Variants in C4orf51 observed in about 807,000 individuals in gnomAD.
C4orf51 encodes the protein chromosome 4 open reading frame 51.
Under a neutral mutation model 25.2 loss-of-function variants are expected in C4orf51, and 25 were observed. The observed-to-expected ratio is 0.99, with a 90% CI of 0.72 to 1.39. The LOEUF is 1.39. C4orf51 is among the 40% of genes most tolerant of loss of function. C4orf51 has a pLI of 0.00. For missense variants in C4orf51, 252 were observed against 239.6 expected (o/e 1.05, Z -0.34); for synonymous variants, 100 against 84.5 (o/e 1.18, Z -1.01).
intron 1 of C4orf51, among the ~76,000 whole-genome samples, chr4:145,688,463 A>G (rs928709680): frequency 6.6e-6 from 1 of 152,178 alleles, no homozygotes; most frequent in African/African-American, 2.4e-5. Context: ...AGGTGATTGG[A>G]TCATGGGGGC....
At chr4:145,721,360 A>AAAG (rs1388195958) in intron 2 of C4orf51, among the ~76,000 whole-genome samples, 1 of 151,642 alleles carries the variant, frequency 6.6e-6, no homozygotes, top group Non-Finnish European at 1.5e-5. Flanking sequence ...AAAAAAAAAA[A>AAAG]AAGATCACAC....
intron 1 of C4orf51, among the ~76,000 whole-genome samples, chr4:145,766,635 G>A (rs1243131862): frequency 1.3e-5 from 2 of 152,156 alleles, no homozygotes; most frequent in Non-Finnish European, 2.9e-5. Context: ...CAACCCCAGA[G>A]ACACAGAGAG....
intron 1 of C4orf51, among the ~76,000 whole-genome samples, chr4:145,749,067 A>G (rs914210146): frequency 6.5e-5 from 9 of 137,718 alleles, no homozygotes; most frequent in Non-Finnish European, 1.2e-4. Flanking sequence ...GTGTGTGTGT[A>G]TATATATATA....
At chr4:145,776,036 A>G in the C4orf51 span, 3 of 1,542,428 alleles carry the variant, frequency 1.9e-6, no homozygotes, top group Non-Finnish European at 2.7e-6. Context: ...AGAATCAGTT[A>G]AAGGTATCAA....
intron 1 of C4orf51, among the ~76,000 whole-genome samples, chr4:145,737,952 A>G (rs1732890647): frequency 6.6e-6 from 1 of 152,228 alleles, no homozygotes; most frequent in Non-Finnish European, 1.5e-5. Context: ...CAGACAGGTT[A>G]AATTCATCTG....
chr4:145,709,210 G>T (rs1181639740), intron 2 of C4orf51, among the ~76,000 whole-genome samples: 1 of 152,110 alleles, frequency 6.6e-6, no homozygotes, highest in Non-Finnish European at 1.5e-5. Context: ...TTCCCGAGGG[G>T]TTCTAACTCA....
the C4orf51 span, among the ~76,000 whole-genome samples, chr4:145,782,330 C>A: frequency 6.6e-6 from 1 of 152,164 alleles, no homozygotes; most frequent in Non-Finnish European, 1.5e-5. Flanking sequence ...AGACCTGAAG[C>A]AAAGGCCCGT....
chr4:145,738,450 G>GA (rs960309875), intron 1 of C4orf51, among the ~76,000 whole-genome samples: 2 of 89,350 alleles, frequency 2.2e-5, no homozygotes, highest in South Asian at 6.2e-4. Flanking sequence ...ACTCTATCTC[G>GA]AAAAAAAACA....
At chr4:145,739,643 G>A (rs1004776283) in intron 1 of C4orf51, among the ~76,000 whole-genome samples, 1 of 152,158 alleles carries the variant, frequency 6.6e-6, no homozygotes. Context: ...AAAAGTATAA[G>A]GACAATAGAA....
intron 2 of C4orf51, among the ~76,000 whole-genome samples, chr4:145,725,767 T>A (rs1210327509): frequency 6.6e-6 from 1 of 152,056 alleles, no homozygotes; most frequent in Admixed American, 6.6e-5. Context: ...GGTTTTCTAG[T>A]GCTGGTGGTA....
chr4:145,696,697 G>A, intron 2 of C4orf51, 65 bp downstream of exon 2: 1 of 1,283,318 alleles, frequency 7.8e-7, no homozygotes. Flanking sequence ...TTTCTTTCAG[G>A]TTCTTTTTTT....
the C4orf51 span, chr4:145,779,401 A>G: frequency 1.4e-4 from 232 of 1,614,090 alleles, no homozygotes; most frequent in Non-Finnish European, 6.2e-5. Flanking sequence ...TGTCGGGACA[A>G]TGTCTGCTGT....
At chr4:145,708,553 C>T (rs1299095538) in intron 2 of C4orf51, among the ~76,000 whole-genome samples, 1 of 152,156 alleles carries the variant, frequency 6.6e-6, no homozygotes, top group Non-Finnish European at 1.5e-5. Flanking sequence ...ACTGGTCTTC[C>T]CATGTACCCT....
At chr4:145,705,456 C>T (rs1372956076) in intron 2 of C4orf51, among the ~76,000 whole-genome samples, 5 of 152,184 alleles carry the variant, frequency 3.3e-5, no homozygotes, top group African/African-American at 4.8e-5. Flanking sequence ...TAGCTACCTA[C>T]TGTAACATTT....
chr4:145,726,293 A>G (rs1248871246), intron 2 of C4orf51, among the ~76,000 whole-genome samples: 3 of 152,358 alleles, frequency 2.0e-5, no homozygotes, highest in Admixed American at 1.3e-4. Flanking sequence ...ATCACCTCAA[A>G]CATTTATGAT....
At chr4:145,708,847 A>C (rs532050941) in intron 2 of C4orf51, among the ~76,000 whole-genome samples, 1 of 152,318 alleles carries the variant, frequency 6.6e-6, no homozygotes, top group Admixed American at 6.5e-5. Flanking sequence ...TAGCAACAAA[A>C]TCATTATCTT....
downstream of C4orf51, chr4:145,774,445 A>C (rs1215101909): frequency 1.9e-6 from 3 of 1,549,864 alleles, no homozygotes; most frequent in African/African-American, 4.1e-5. Flanking sequence ...GCCAGGTGGC[A>C]GGTGCTCTGG....
chr4:145,735,582 T>G (rs566142244), downstream of C4orf51, among the ~76,000 whole-genome samples: 4 of 152,304 alleles, frequency 2.6e-5, no homozygotes, highest in African/African-American at 7.2e-5. Flanking sequence ...TCTTCTGGTT[T>G]CTGCTTCTGG....
chr4:145,736,704 G>A (rs1242281512), downstream of C4orf51, among the ~76,000 whole-genome samples: 1 of 152,238 alleles, frequency 6.6e-6, no homozygotes, highest in African/African-American at 2.4e-5. Context: ...GGAGCCTGAA[G>A]CGTTGCCAGT....
Sources: gnomAD v4.1 joint callset for allele counts (sites outside exome capture counted in the v4.1 genomes callset) on GRCh38, gnomAD v4.1.1 for gene constraint, MANE v1.5 for transcripts, NCBI Gene and HGNC (gene_info 2026-07-23, HGNC 2026-07-21) for gene names.